Variants in UNC5C observed in about 807,000 individuals in gnomAD.
UNC5C encodes netrin receptor UNC5C.
In UNC5C, 47 loss-of-function variants were observed where a neutral mutation model predicts 99.8. The observed-to-expected ratio is 0.47, with a 90% CI of 0.37 to 0.60. The LOEUF is 0.60. Among genes scored for constraint, UNC5C ranks in the 20% least tolerant of loss-of-function variants. The pLI is 0.00. For missense variants in UNC5C, 1,062 were observed against 1,165.9 expected, an observed-to-expected ratio of 0.91 and a Z score of 1.30; for synonymous variants, 487 against 452.2, an observed-to-expected ratio of 1.08 and a Z score of -0.98.
At chr4:95,200,311 T>G (rs1252557582) in intron 12 of UNC5C, among the ~76,000 whole-genome samples, 2 of 152,262 alleles carry the variant, frequency 1.3e-5, no homozygotes, top group Non-Finnish European at 2.9e-5. Flanking sequence ...CTTATCCTTC[T>G]TTAGCTCCTT....
chr4:95,433,204 A>G (rs1239339783), intron 1 of UNC5C, among the ~76,000 whole-genome samples: 2 of 152,250 alleles, frequency 1.3e-5, no homozygotes, highest in South Asian at 2.1e-4. Flanking sequence ...CAAAGATTTG[A>G]TAGTTTAAGT....
intron 1 of UNC5C, among the ~76,000 whole-genome samples, chr4:95,335,956 C>A (rs17434916): frequency 0.013 from 1,942 of 151,926 alleles, 15 homozygotes; most frequent in Non-Finnish European, 0.021. Context: ...CACTACATTT[C>A]CCATTATAGA....
intron 1 of UNC5C, among the ~76,000 whole-genome samples, chr4:95,386,118 A>T (rs983641813): frequency 1.3e-5 from 2 of 151,782 alleles, no homozygotes; most frequent in Non-Finnish European, 2.9e-5. Context: ...TCTCCCGGTA[A>T]TTTTTCTAAT....
intron 1 of UNC5C, among the ~76,000 whole-genome samples, chr4:95,456,703 C>A (rs1747436287): frequency 6.6e-6 from 1 of 151,944 alleles, no homozygotes; most frequent in Non-Finnish European, 1.5e-5. Context: ...AAGTTATGTA[C>A]CAATGTGTAA....
chr4:95,316,546 G>A (rs776368873), intron 2 of UNC5C, among the ~76,000 whole-genome samples: 1 of 152,082 alleles, frequency 6.6e-6, no homozygotes, highest in Non-Finnish European at 1.5e-5. Context: ...TACAGATCAA[G>A]TGCAGATAAA....
chr4:95,272,007 A>G (rs1740683294), intron 4 of UNC5C, among the ~76,000 whole-genome samples: 1 of 152,126 alleles, frequency 6.6e-6, no homozygotes, highest in South Asian at 2.1e-4. Context: ...AGATCTTTTC[A>G]AGACTAGCTC....
intron 1 of UNC5C, among the ~76,000 whole-genome samples, chr4:95,536,945 G>A (rs916795282): frequency 6.6e-6 from 1 of 152,070 alleles, no homozygotes; most frequent in Non-Finnish European, 1.5e-5. Context: ...GGCCTGAACT[G>A]AATTAAAACA....
intron 1 of UNC5C, among the ~76,000 whole-genome samples, chr4:95,480,936 T>G (rs925649241): frequency 3.3e-5 from 5 of 151,330 alleles, no homozygotes; most frequent in African/African-American, 1.2e-4. Context: ...GCATTCCCTT[T>G]GAAAACTGGC....
intron 1 of UNC5C, among the ~76,000 whole-genome samples, chr4:95,358,077 A>G (rs553152602): frequency 2.1e-4 from 32 of 152,296 alleles, no homozygotes; most frequent in Non-Finnish European, 5.9e-5. Context: ...CTACCATCAT[A>G]CAATATTTAC....
chr4:95,444,567 G>T (rs951539206), intron 1 of UNC5C, among the ~76,000 whole-genome samples: 1 of 152,052 alleles, frequency 6.6e-6, no homozygotes, highest in South Asian at 2.1e-4. Context: ...TCCTGACCTC[G>T]TGATCCGCCC....
At chr4:95,460,595 T>G (rs2149470804) in intron 1 of UNC5C, among the ~76,000 whole-genome samples, 1 of 152,308 alleles carries the variant, frequency 6.6e-6, no homozygotes, top group Non-Finnish European at 1.5e-5. Context: ...CCTGCCACCA[T>G]GTAAGTCATG....
At chr4:95,362,088 T>C (rs1744412098) in intron 1 of UNC5C, among the ~76,000 whole-genome samples, 1 of 152,110 alleles carries the variant, frequency 6.6e-6, no homozygotes, top group African/African-American at 2.4e-5. Context: ...TCAAGTCACA[T>C]GTCTTCTCTG....
chr4:95,292,237 A>G (rs1741494847), intron 3 of UNC5C, among the ~76,000 whole-genome samples: 1 of 11,244 alleles, frequency 8.9e-5, no homozygotes, highest in African/African-American at 4.2e-4. Flanking sequence ...ACACACACAC[A>G]TATATATATA....
intron 4 of UNC5C, among the ~76,000 whole-genome samples, chr4:95,259,419 A>G (rs1016568138): frequency 1.3e-5 from 2 of 152,242 alleles, no homozygotes; most frequent in African/African-American, 4.8e-5. Context: ...TCTAAAAACT[A>G]GAAGAAAAAT....
rs114964696 is a variant in UNC5C at position 95,426,870 on chromosome 4, C to T, written c.125-91239G>A. Among the ~76,000 whole-genome samples, 314 of 152,308 alleles carry T rather than the reference C, an allele frequency of 2.1e-3. 2 individuals carry two copies. Among genetic ancestry groups the T allele is most frequent in the African/African-American group, 7.3e-3 (302 of 41,574 alleles). On this transcript the variant is annotated intron_variant, in intron 1 of 15. Coordinates refer to ENST00000453304, the MANE Select transcript of UNC5C (RefSeq NM_003728.4). ...TCACGGAAAGAAGTCATCTTCATAACTTAAAAGTGCAAGGTGAAACAGCAA... is the reference window on the plus strand; with the variant it reads ...TCACGGAAAGAAGTCATCTTCATAATTTAAAAGTGCAAGGTGAAACAGCAA...
Position 95,206,063 on chromosome 4 carries a change from C to T in UNC5C, c.1902+565G>A, listed in dbSNP as rs549159701. Among the ~76,000 whole-genome samples, 12 of 149,904 alleles carry T rather than the reference C, an allele frequency of 8.0e-5. 1 individual carries two copies. The highest frequency in any genetic ancestry group is 4.2e-4 in the South Asian group (2 of 4,758). ...TTGCCCAAGCTGGAGTGCAGTGGTGCGATCTCAGCTCACTGCAACCTCCGC... is the reference window on the plus strand; with the variant it reads ...TTGCCCAAGCTGGAGTGCAGTGGTGTGATCTCAGCTCACTGCAACCTCCGC... On this transcript the variant is annotated intron_variant, in intron 11 of 15. Coordinates refer to ENST00000453304, the MANE Select transcript of UNC5C (RefSeq NM_003728.4).
chr4:95,254,996 GTT>G (rs545985223), intron 4 of UNC5C, among the ~76,000 whole-genome samples: 1 of 141,630 alleles, frequency 7.1e-6, no homozygotes. Flanking sequence ...GTTGTTTTTT[GTT>G]TTTTTTTTTT....
At chr4:95,476,801 A>G (rs1226507192) in intron 1 of UNC5C, among the ~76,000 whole-genome samples, 1 of 152,026 alleles carries the variant, frequency 6.6e-6, no homozygotes, top group Non-Finnish European at 1.5e-5. Context: ...GGTGTATACT[A>G]TTCTTACTCC....
intron 11 of UNC5C, among the ~76,000 whole-genome samples, 157 bp from the exon 12 acceptor site, chr4:95,203,121 GTC>G (rs1215947030): frequency 3.3e-5 from 5 of 152,106 alleles, no homozygotes. Flanking sequence ...TCATCATTCT[GTC>G]TCTTTCTACC....
Sources: gnomAD v4.1 joint callset for allele counts (sites outside exome capture counted in the v4.1 genomes callset) on GRCh38, gnomAD v4.1.1 for gene constraint, MANE v1.5 for transcripts, NCBI Gene and HGNC (gene_info 2026-07-23, HGNC 2026-07-21) for gene names.